The following TMEM74 variants were observed in gnomAD, a reference collection of about 807,000 sequenced individuals.
TMEM74 encodes transmembrane protein 74.
Under a neutral mutation model 18.1 loss-of-function variants are expected in TMEM74, and 13 were observed. The observed-to-expected ratio is 0.72, with a 90% CI of 0.47 to 1.14. The LOEUF is 1.14. TMEM74 is among the 50% of genes most tolerant of loss of function. The pLI, the probability that TMEM74 is intolerant of heterozygous loss-of-function variation, is 0.00. For missense variants in TMEM74, 372 were observed against 375.9 expected (o/e 0.99, Z 0.09); for synonymous variants, 159 against 146.6 (o/e 1.08, Z -0.61).
At chr8:108,689,271 A>G (rs1813201618) in intron 1 of TMEM74, among the ~76,000 whole-genome samples, 2 of 152,128 alleles carry the variant, frequency 1.3e-5, no homozygotes, top group Non-Finnish European at 2.9e-5. Context: ...CAAATACAAC[A>G]TGTGTTCTGC....
intron 1 of TMEM74, among the ~76,000 whole-genome samples, chr8:108,670,106 A>G (rs915182926): frequency 2.7e-5 from 4 of 149,544 alleles, no homozygotes; most frequent in African/African-American, 4.9e-5. Flanking sequence ...TTTTTTCTGT[A>G]CTCAGGAAAA....
chr8:108,641,397 T>C (rs1812663671), intron 2 of TMEM74, among the ~76,000 whole-genome samples: 2 of 152,128 alleles, frequency 1.3e-5, no homozygotes, highest in South Asian at 4.1e-4. Context: ...AATGATGACT[T>C]TCAGGGACAG....
Position 108,784,889 on chromosome 8 carries a change from AGAG to A in TMEM74, c.207_209del (p.Ser70del). ...CTGGCTGAAGAGTACTGTTTTGCAG[AGAG>A]GAGGAGGGGGATGCTGGAGAAGAAC... On this transcript the variant is annotated inframe_deletion, in exon 2 of 2. Coordinates refer to ENST00000297459, the MANE Select transcript of TMEM74 (RefSeq NM_153015.3). 1 of 1,614,128 alleles carries A rather than the reference AGAG, an allele frequency of 6.2e-7. No homozygotes were observed. Among genetic ancestry groups the A allele is most frequent in the Non-Finnish European group, 8.5e-7 (1 of 1,180,028 alleles).
intron 1 of TMEM74, among the ~76,000 whole-genome samples, chr8:108,735,495 C>T (rs1039483037): frequency 6.6e-6 from 1 of 152,096 alleles, no homozygotes. Context: ...TTTCACTTAG[C>T]GTAATGTTTT....
At chr8:108,692,690 C>A (rs1000276073) in intron 1 of TMEM74, among the ~76,000 whole-genome samples, 1 of 152,002 alleles carries the variant, frequency 6.6e-6, no homozygotes, top group Admixed American at 6.6e-5. Flanking sequence ...CCCCAGCCTG[C>A]AAAAAACCCC....
intron 2 of TMEM74, among the ~76,000 whole-genome samples, chr8:108,613,791 A>G (rs1246251986): frequency 6.6e-6 from 1 of 152,180 alleles, no homozygotes; most frequent in Non-Finnish European, 1.5e-5. Context: ...TAGACCTTAC[A>G]TCAAATGGGA....
At chr8:108,681,123 A>G (rs1273783829) in intron 1 of TMEM74, among the ~76,000 whole-genome samples, 2 of 152,226 alleles carry the variant, frequency 1.3e-5, no homozygotes, top group Admixed American at 6.5e-5. Flanking sequence ...TGCCATCCCC[A>G]TTAAGCTACC....
chr8:108,747,573 A>C (rs1813862096), intron 1 of TMEM74, among the ~76,000 whole-genome samples: 1 of 151,782 alleles, frequency 6.6e-6, no homozygotes, highest in Admixed American at 6.6e-5. Context: ...TAAATTGGCA[A>C]CTTTTAAGTT....
intron 1 of TMEM74, among the ~76,000 whole-genome samples, chr8:108,685,870 A>G (rs1056020433): frequency 6.6e-6 from 1 of 152,154 alleles, no homozygotes; most frequent in Non-Finnish European, 1.5e-5. Context: ...TAATCCAACT[A>G]AATAGCAATA....
At chr8:108,653,525 A>G (rs1812793982) in intron 2 of TMEM74, among the ~76,000 whole-genome samples, 1 of 152,186 alleles carries the variant, frequency 6.6e-6, no homozygotes, top group Non-Finnish European at 1.5e-5. Flanking sequence ...ATATTAAGTA[A>G]AAAAGTTTAT....
chr8:108,736,553 C>A (rs886125431), intron 1 of TMEM74, among the ~76,000 whole-genome samples: 5 of 151,994 alleles, frequency 3.3e-5, no homozygotes, highest in Non-Finnish European at 7.4e-5. Context: ...AATATGCACA[C>A]ATACACATGT....
At chr8:108,646,829 A>T (rs1476660635) in intron 2 of TMEM74, among the ~76,000 whole-genome samples, 3 of 152,078 alleles carry the variant, frequency 2.0e-5, no homozygotes, top group Admixed American at 2.0e-4. Flanking sequence ...TGAGCTAAAA[A>T]ATGGCCAGGG....
intron 2 of TMEM74, among the ~76,000 whole-genome samples, chr8:108,650,534 T>C (rs1812763203): frequency 6.6e-6 from 1 of 152,176 alleles, no homozygotes; most frequent in South Asian, 2.1e-4. Flanking sequence ...TTCTCCTCAG[T>C]TGTCCATCTC....
chr8:108,743,013 C>T (rs186566668), intron 1 of TMEM74, among the ~76,000 whole-genome samples: 60 of 152,296 alleles, frequency 3.9e-4, no homozygotes, highest in Non-Finnish European at 6.2e-4. Context: ...GTGGCATTTC[C>T]TCCTTGCTTG....
chr8:108,756,591 A>C (rs1157340806), intron 1 of TMEM74, among the ~76,000 whole-genome samples: 1 of 107,406 alleles, frequency 9.3e-6, no homozygotes, highest in Non-Finnish European at 1.9e-5. Context: ...AAAGAAAGAA[A>C]GAAAGAGAAA....
chr8:108,634,235 C>G (rs1022286567), intron 2 of TMEM74, among the ~76,000 whole-genome samples: 3 of 151,942 alleles, frequency 2.0e-5, no homozygotes, highest in African/African-American at 7.2e-5. Flanking sequence ...AAAAACTCTC[C>G]TCCCCACCTC....
chr8:108,723,196 C>G (rs1302006232), intron 1 of TMEM74, among the ~76,000 whole-genome samples: 1 of 152,144 alleles, frequency 6.6e-6, no homozygotes, highest in Admixed American at 6.5e-5. Flanking sequence ...TTTAGCAAAA[C>G]TGATTAAGGG....
chr8:108,764,455 T>C (rs16878801), intron 1 of TMEM74, among the ~76,000 whole-genome samples: 10,821 of 152,220 alleles, frequency 0.071, 540 homozygotes, highest in African/African-American at 0.13. Flanking sequence ...TAATAACTGA[T>C]AAGCAGGAGA....
intron 1 of TMEM74, among the ~76,000 whole-genome samples, chr8:108,762,849 C>G (rs1020362969): frequency 6.6e-6 from 1 of 151,894 alleles, no homozygotes; most frequent in African/African-American, 2.4e-5. Context: ...GAGGCCAGGC[C>G]GGGCAATGAA....
Sources: allele counts gnomAD v4.1 joint callset (sites outside exome capture counted in the v4.1 genomes callset), GRCh38; gene constraint gnomAD v4.1.1; transcripts MANE v1.5; gene names NCBI Gene and HGNC (gene_info 2026-07-23, HGNC 2026-07-21).